IL23R: variants seen among roughly 807,000 people sequenced by gnomAD.
IL23R encodes interleukin-23 receptor.
A neutral mutation model predicts 56.9 loss-of-function variants in IL23R; 34 were observed. The ratio of observed to expected loss-of-function variants is 0.60; its 90% confidence interval spans 0.45 to 0.80. The LOEUF (loss-of-function observed/expected upper bound fraction) is 0.80. Ranked by LOEUF, IL23R falls within the 30% of genes least tolerant of loss-of-function variation. The probability of loss-of-function intolerance (pLI) is 0.00; values close to 1 mark genes in which losing one functional copy is unlikely to be tolerated. For synonymous variants in IL23R, 230 were observed against 249.2 expected (o/e 0.92, Z 0.73); for missense variants, 635 against 730.0 (o/e 0.87, Z 1.50).
intron 1 of IL23R, among the ~76,000 whole-genome samples, chr1:67,158,529 G>A (rs1226155147): frequency 6.6e-6 from 1 of 152,188 alleles, no homozygotes; most frequent in African/African-American, 2.4e-5. Context: ...TTTAGGAAAA[G>A]CGTGGCAACT....
intron 9 of IL23R, among the ~76,000 whole-genome samples, chr1:67,247,547 G>A (rs537498912): frequency 7.0e-4 from 107 of 152,044 alleles, no homozygotes; most frequent in South Asian, 2.7e-3. Flanking sequence ...CAGGTGATCC[G>A]CCCACCTTGG....
At chr1:67,233,852 GT>G (rs35312501) in intron 7 of IL23R, among the ~76,000 whole-genome samples, 249 of 138,460 alleles carry the variant, frequency 1.8e-3, no homozygotes, top group South Asian at 4.4e-3. Context: ...ATATCATGAG[GT>G]TTTTTTTTTT....
intron 7 of IL23R, among the ~76,000 whole-genome samples, chr1:67,236,212 AC>A (rs1159483558): frequency 1.3e-5 from 2 of 152,252 alleles, no homozygotes; most frequent in African/African-American, 4.8e-5. Context: ...AGGTGTTACA[AC>A]ACCAAAGTGC....
intron 1 of IL23R, among the ~76,000 whole-genome samples, chr1:67,155,190 T>A (rs1338693701): frequency 6.6e-6 from 1 of 152,210 alleles, no homozygotes; most frequent in African/African-American, 2.4e-5. Context: ...CCTTTGTAGG[T>A]GACCTGGCCT....
intron 3 of IL23R, among the ~76,000 whole-genome samples, chr1:67,181,895 C>T (rs571685892): frequency 6.6e-6 from 1 of 152,314 alleles, no homozygotes; most frequent in South Asian, 2.1e-4. Context: ...TGCTGGAGGT[C>T]CATTCCAGCC....
intron 6 of IL23R, among the ~76,000 whole-genome samples, chr1:67,210,829 G>A (rs555466479): frequency 2.0e-5 from 3 of 152,088 alleles, no homozygotes; most frequent in East Asian, 3.9e-4. Flanking sequence ...TTTTCAGCGC[G>A]TTAAATAAAG....
intron 7 of IL23R, among the ~76,000 whole-genome samples, chr1:67,236,133 C>T (rs917301020): frequency 4.3e-4 from 65 of 152,180 alleles, no homozygotes; most frequent in African/African-American, 1.5e-3. Context: ...TTCCTGACAG[C>T]CTTTATAACT....
upstream of IL23R, among the ~76,000 whole-genome samples, chr1:67,163,777 C>G (rs1646845298): frequency 6.6e-6 from 1 of 152,162 alleles, no homozygotes; most frequent in Non-Finnish European, 1.5e-5. Flanking sequence ...GAGGCCTCAC[C>G]AGAAGCCAGG....
At chr1:67,200,042 T>C (rs1648496107) in intron 4 of IL23R, among the ~76,000 whole-genome samples, 1 of 152,016 alleles carries the variant, frequency 6.6e-6, no homozygotes, top group Non-Finnish European at 1.5e-5. Context: ...AATTTTTTGT[T>C]TTTGTTTTTG....
chr1:67,214,757 G>C (rs1040689847), intron 6 of IL23R, among the ~76,000 whole-genome samples: 2 of 152,128 alleles, frequency 1.3e-5, no homozygotes, highest in Non-Finnish European at 2.9e-5. Flanking sequence ...GGAAGAGAGA[G>C]ACCCTCTCAT....
chr1:67,167,716 C>T (rs1387602695), intron 1 of IL23R, among the ~76,000 whole-genome samples: 2 of 151,886 alleles, frequency 1.3e-5, no homozygotes, highest in African/African-American at 4.8e-5. Context: ...AGAGCCTGGC[C>T]CTTGTCTCTA....
At chr1:67,260,634 T>A (rs1244000825), downstream of IL23R, among the ~76,000 whole-genome samples, 1 of 152,204 alleles carries the variant, frequency 6.6e-6, no homozygotes, top group African/African-American at 2.4e-5. Context: ...TGGTTGATCT[T>A]TAAAAATGAA....
At chr1:67,261,292 T>C (rs1653193825), downstream of IL23R, among the ~76,000 whole-genome samples, 1 of 151,648 alleles carries the variant, frequency 6.6e-6, no homozygotes, top group South Asian at 2.1e-4. Context: ...ATGTCCAGCA[T>C]GTAAGTAATT....
downstream of IL23R, among the ~76,000 whole-genome samples, chr1:67,262,875 G>A (rs1653236157): frequency 6.6e-6 from 1 of 152,084 alleles, no homozygotes; most frequent in African/African-American, 2.4e-5. Flanking sequence ...AAGAAAGGCA[G>A]GTTGATACTT....
upstream of IL23R, among the ~76,000 whole-genome samples, chr1:67,165,492 A>G (rs1394314843): frequency 1.3e-5 from 2 of 152,236 alleles, no homozygotes; most frequent in South Asian, 4.1e-4. Flanking sequence ...GAATGAAATC[A>G]GCACCATGAG....
At chr1:67,187,195 A>G (rs552750012) in intron 4 of IL23R, among the ~76,000 whole-genome samples, 2 of 152,294 alleles carry the variant, frequency 1.3e-5, no homozygotes, top group East Asian at 1.9e-4. Flanking sequence ...TACATTCCCA[A>G]CAACAGTGTA....
intron 4 of IL23R, among the ~76,000 whole-genome samples, chr1:67,191,685 G>A (rs1647757503): frequency 6.6e-6 from 1 of 152,070 alleles, no homozygotes; most frequent in South Asian, 2.1e-4. Flanking sequence ...GTTTAGTCAT[G>A]TTTTATGTCC....
chr1:67,260,843 G>A (rs1031355712), downstream of IL23R, among the ~76,000 whole-genome samples: 57 of 152,020 alleles, frequency 3.7e-4, no homozygotes, highest in African/African-American at 1.3e-3. Context: ...ACTGCAGTGC[G>A]CTATGATCAA....
chr1:67,141,900 T>A (rs767794075), intron 1 of IL23R, among the ~76,000 whole-genome samples: 11 of 151,980 alleles, frequency 7.2e-5, no homozygotes, highest in Non-Finnish European at 1.5e-4. Flanking sequence ...CAGGGGGAGA[T>A]TTGTGCAGGG....
Sources: gnomAD v4.1 joint callset for allele counts (sites outside exome capture counted in the v4.1 genomes callset) on GRCh38, gnomAD v4.1.1 for gene constraint, MANE v1.5 for transcripts, NCBI Gene and HGNC (gene_info 2026-07-23, HGNC 2026-07-21) for gene names.